ARHGAP21: variants seen among roughly 807,000 people sequenced by gnomAD.
The protein encoded by ARHGAP21 is rho GTPase-activating protein 21.
Under a neutral mutation model 164.6 loss-of-function variants are expected in ARHGAP21, and 38 were observed. The ratio of observed to expected loss-of-function variants is 0.23; its 90% confidence interval spans 0.18 to 0.30. The LOEUF is 0.30. Ranked by LOEUF, ARHGAP21 falls within the 10% of genes least tolerant of loss-of-function variation. ARHGAP21 has a pLI of 1.00. For synonymous variants in ARHGAP21, 766 were observed against 857.9 expected (o/e 0.89, Z 1.87); for missense variants, 1,822 against 2,370.7 (o/e 0.77, Z 4.81).
chr10:24,625,367 C>CAA (rs1311987574), intron 7 of ARHGAP21, among the ~76,000 whole-genome samples: 1 of 145,732 alleles, frequency 6.9e-6, no homozygotes, highest in Non-Finnish European at 1.5e-5. Flanking sequence ...TCCTGCCTTT[C>CAA]AGTTCACCTT....
At chr10:24,633,257 A>G (rs1836015652) in intron 6 of ARHGAP21, 145 bp downstream of exon 6, 1 of 536,052 alleles carries the variant, frequency 1.9e-6, no homozygotes, top group Non-Finnish European at 3.1e-6. Flanking sequence ...GTCCTTGGCA[A>G]CTCTCAAATG....
intron 4 of ARHGAP21, among the ~76,000 whole-genome samples, chr10:24,659,027 G>T (rs895819242): frequency 6.6e-6 from 1 of 152,106 alleles, no homozygotes; most frequent in Non-Finnish European, 1.5e-5. Flanking sequence ...ATACAAAAAT[G>T]GAAAACAACA....
At chr10:24,684,931 G>A (rs1201295751) in intron 2 of ARHGAP21, among the ~76,000 whole-genome samples, 1 of 152,170 alleles carries the variant, frequency 6.6e-6, no homozygotes, top group East Asian at 1.9e-4. Context: ...GAGCCACCGC[G>A]CCCGGCCTAG....
chr10:24,699,263 A>G (rs1402632558), intron 2 of ARHGAP21, among the ~76,000 whole-genome samples: 1 of 152,120 alleles, frequency 6.6e-6, no homozygotes, highest in African/African-American at 2.4e-5. Context: ...ATATATTTGC[A>G]TATTATATCC....
At chr10:24,638,440 C>T (rs1836614831) in intron 4 of ARHGAP21, among the ~76,000 whole-genome samples, 2 of 152,300 alleles carry the variant, frequency 1.3e-5, no homozygotes, top group South Asian at 2.1e-4. Flanking sequence ...ATATTTAACA[C>T]GTGTGTCATT....
In ARHGAP21 at chr10:24,674,259, C is replaced by A. The variant is rs572029722; in HGVS notation, c.64-3862G>T. On this transcript the variant is annotated intron_variant, in intron 2 of 25. Coordinates refer to ENST00000396432, the MANE Select transcript of ARHGAP21 (RefSeq NM_020824.4). The stretch of plus-strand genomic sequence containing the variant: ...TTTAAAAATTAGCCAGGTAGCTGGG[C>A]ACAGTGGCTCACACCTGTAATCCCA... 8.5e-5 allele frequency among the ~76,000 whole-genome samples: 13 copies of A among 152,182 alleles called. No homozygotes were observed. In the South Asian group the frequency reaches 2.7e-3, roughly 32 times the overall value.
At chr10:24,625,050 T>TGTGTGGGGGGGG (rs1238794963) in intron 7 of ARHGAP21, among the ~76,000 whole-genome samples, 1 of 778 alleles carries the variant, frequency 1.3e-3, no homozygotes, top group African/African-American at 4.0e-3. Context: ...CTCTAAAAAG[T>TGTGTGGGGGGGG]GGGGGGGGGG....
chr10:24,636,787 G>C (rs550048354), intron 4 of ARHGAP21, among the ~76,000 whole-genome samples: 1 of 152,328 alleles, frequency 6.6e-6, no homozygotes, highest in Non-Finnish European at 1.5e-5. Context: ...GAAGCGAGTA[G>C]ACATCGGTCC....
chr10:24,623,623 G>A (rs1015098100), intron 7 of ARHGAP21, among the ~76,000 whole-genome samples: 3 of 152,152 alleles, frequency 2.0e-5, no homozygotes, highest in Non-Finnish European at 4.4e-5. Flanking sequence ...GTCTGGATGA[G>A]AGAATACTGT....
At chr10:24,641,487 C>T (rs1343866501) in intron 4 of ARHGAP21, among the ~76,000 whole-genome samples, 1 of 152,192 alleles carries the variant, frequency 6.6e-6, no homozygotes, top group Non-Finnish European at 1.5e-5. Flanking sequence ...TTCCAATAAT[C>T]TCTGGATACT....
chr10:24,662,368 T>A (rs553357426), intron 4 of ARHGAP21, among the ~76,000 whole-genome samples: 11 of 152,292 alleles, frequency 7.2e-5, no homozygotes, highest in African/African-American at 2.6e-4. Context: ...ACACAACTGA[T>A]TTGGAAATCC....
At chr10:24,708,630 C>A (rs900918109) in intron 2 of ARHGAP21, among the ~76,000 whole-genome samples, 1 of 152,172 alleles carries the variant, frequency 6.6e-6, no homozygotes, top group African/African-American at 2.4e-5. Context: ...CTCTCTACAC[C>A]CATGTGTACA....
intron 4 of ARHGAP21, among the ~76,000 whole-genome samples, chr10:24,656,311 T>G (rs9663672): frequency 1.7e-5 from 1 of 58,580 alleles, no homozygotes; most frequent in Admixed American, 1.3e-4. Flanking sequence ...CCCCTCAGCC[T>G]GGCCAGCCAC....
intron 4 of ARHGAP21, among the ~76,000 whole-genome samples, chr10:24,650,194 G>T (rs1422303975): frequency 6.6e-6 from 1 of 152,074 alleles, no homozygotes; most frequent in African/African-American, 2.4e-5. Context: ...AAAGGAGAGA[G>T]AATTACATCA....
chr10:24,694,207 A>G (rs1842962940), intron 2 of ARHGAP21, among the ~76,000 whole-genome samples: 1 of 152,214 alleles, frequency 6.6e-6, no homozygotes, highest in Non-Finnish European at 1.5e-5. Flanking sequence ...CAAATTTAAC[A>G]AAATATTTTG....
rs868309592 is a variant in ARHGAP21 at position 24,585,397 on chromosome 10, C to T, written c.4892G>A (p.Arg1631Gln). 6.8e-5 allele frequency: 110 copies of T among 1,613,832 alleles called. No homozygotes were observed. The highest frequency in any genetic ancestry group is 1.0e-4 in the Admixed American group (6 of 59,990). ...DERSELISEG[R>Q]PVETDSESEF... ...GCTCTCGCTGTCGGTTTCCACAGGC[C>T]GCCCTTCACTGATGAGTTCGCTTCT... is the stretch of plus-strand genomic sequence containing the variant. The change falls in exon 26 of 26, where the codon CGG (arginine) becomes CAG (glutamine). Residue 1631 changes from arginine (R) to glutamine (Q), a missense_variant. By Grantham distance (43) the Arg-to-Gln change is conservative (BLOSUM62 1). This residue lies in a region of ARHGAP21 where 333 missense variants were observed against 383.9 expected (regional missense o/e 0.87). Coordinates refer to ENST00000396432, the MANE Select transcript of ARHGAP21 (RefSeq NM_020824.4).
At chr10:24,687,405 T>C (rs182420792) in intron 2 of ARHGAP21, among the ~76,000 whole-genome samples, 82 of 152,256 alleles carry the variant, frequency 5.4e-4, no homozygotes, top group African/African-American at 1.9e-3. Context: ...ACAAAGATAA[T>C]AGAAAATGAA....
chr10:24,665,432 G>A (rs972927661), intron 4 of ARHGAP21, among the ~76,000 whole-genome samples: 8 of 151,876 alleles, frequency 5.3e-5, no homozygotes, highest in South Asian at 2.1e-4. Context: ...TCATACAAAC[G>A]AAAAAACAGT....
intron 4 of ARHGAP21, among the ~76,000 whole-genome samples, chr10:24,656,402 C>G (rs1488710766): frequency 2.6e-4 from 26 of 99,026 alleles, no homozygotes; most frequent in African/African-American, 6.2e-4. Flanking sequence ...GGGGGTCAGC[C>G]CTCCGCCCGG....
Sources: gnomAD v4.1 joint callset for allele counts (sites outside exome capture counted in the v4.1 genomes callset) on GRCh38, gnomAD v4.1.1 for gene constraint, gnomAD v4.1.1 regional missense constraint, MANE v1.5 for transcripts, NCBI Gene and HGNC (gene_info 2026-07-23, HGNC 2026-07-21) for gene names.